DDX50: variants seen among roughly 807,000 people sequenced by gnomAD.
The protein encoded by DDX50 is ATP-dependent RNA helicase DDX50.
In DDX50, 56 loss-of-function variants were observed where a neutral mutation model predicts 94.8. The ratio of observed to expected loss-of-function variants is 0.59; its 90% CI spans 0.48 to 0.74. The LOEUF (loss-of-function observed/expected upper bound fraction) is 0.74. Among genes scored for constraint, DDX50 ranks in the 30% least tolerant of loss-of-function variants. The pLI, the probability that DDX50 is intolerant of heterozygous loss-of-function variation, is 0.00. For missense variants in DDX50, 713 were observed against 881.2 expected, an observed-to-expected ratio of 0.81 and a Z score of 2.42; for synonymous variants, 264 against 295.4, an observed-to-expected ratio of 0.89 and a Z score of 1.09.
In DDX50 at chr10:68,919,821, T is replaced by G; in HGVS notation, c.1090-11T>G. On this transcript the variant is annotated splice_polypyrimidine_tract_variant and intron_variant, in intron 7 of 14. Transcript: ENST00000373585. Reference sequence around the variant, plus strand: ...ATGAAACAAATAATGTGGTATTTTCTTTCTTCAAAGCATTTGGCCATCCAG... The same window carrying G: ...ATGAAACAAATAATGTGGTATTTTCGTTCTTCAAAGCATTTGGCCATCCAG... The G allele has an allele frequency of 6.2e-7, 1 of 1,606,188 alleles. No homozygotes were observed. Among genetic ancestry groups the G allele is most frequent in the Non-Finnish European group, 8.5e-7 (1 of 1,178,652 alleles).
In DDX50 at chr10:68,934,686, G is replaced by C; in HGVS notation, c.1402-113G>C. ...ACACATATAAATTGTTTGGAATGTT[G>C]AAAAGGGCAACAGGATTGAAATAAA... On this transcript the variant is annotated intron_variant, in intron 9 of 14. Transcript: ENST00000373585. The surrounding 1 kb of genome is among the most constrained non-coding windows in gnomAD (Gnocchi z 4.0). 7.8e-7 allele frequency: 1 copy of C among 1,281,462 alleles called. No homozygotes were observed. The highest frequency in any genetic ancestry group is 1.1e-6 in the Non-Finnish European group (1 of 951,144). 79.4% of individuals were successfully genotyped at this position (1,281,462 alleles called of 1,614,324 possible).
chr10:68,902,109 A>G (rs1243148487), intron 1 of DDX50, among the ~76,000 whole-genome samples: 1 of 151,750 alleles, frequency 6.6e-6, no homozygotes, highest in Non-Finnish European at 1.5e-5. Flanking sequence ...AGGTTAAACT[A>G]AATAAGTAAA....
intron 12 of DDX50, among the ~76,000 whole-genome samples, chr10:68,940,268 G>C (rs1269542129): frequency 6.6e-6 from 1 of 151,604 alleles, no homozygotes; most frequent in African/African-American, 2.4e-5. Context: ...AGTTCCAGAT[G>C]CTTGTGGGGC....
rs1156573801 is a variant in DDX50 at position 68,901,428 on chromosome 10, C to T, written c.44C>T (p.Ala15Val). ...TGGGGGGACATTATGGAGCTGGAAG[C>T]ACCCTTGGAGGAGTCCGAGAGCCAG... The part of the protein sequence containing the change: ...LLWGDIMELE[A>V]PLEESESQKK... Residue 15 changes from alanine (A) to valine (V), a missense_variant, in exon 1 of 15, where the codon GCA (alanine) becomes GTA (valine). Physicochemically the swap from Ala to Val is moderately conservative, Grantham distance 64 (BLOSUM62 0). Transcript: ENST00000373585. 4.4e-6 allele frequency: 7 copies of T among 1,575,662 alleles called. No individual in the cohort carries two copies. The Admixed American group carries it at 7.4e-5, about 17-fold the overall frequency.
At chr10:68,921,749 G>A (rs948744699) in intron 8 of DDX50, among the ~76,000 whole-genome samples, 4 of 152,020 alleles carry the variant, frequency 2.6e-5, no homozygotes, top group African/African-American at 9.7e-5. Flanking sequence ...AATTATTTTG[G>A]CTCTATATAA....
At chr10:68,909,406 C>T (rs74146505) in intron 2 of DDX50, among the ~76,000 whole-genome samples, 163 of 152,232 alleles carry the variant, frequency 1.1e-3, no homozygotes, top group African/African-American at 3.3e-3. Flanking sequence ...TTCAAGCTTA[C>T]GGTAACTTTC....
At chr10:68,911,659 A>G (rs1203924974) in intron 4 of DDX50, 2 of 152,850 alleles carry the variant, frequency 1.3e-5, no homozygotes, top group Admixed American at 6.5e-5. Context: ...TCCCTTTAGT[A>G]TGGAATACGT....
intron 2 of DDX50, among the ~76,000 whole-genome samples, chr10:68,907,471 A>G (rs1480659871): frequency 6.6e-6 from 1 of 151,728 alleles, no homozygotes; most frequent in Non-Finnish European, 1.5e-5. Flanking sequence ...ACGCACCACC[A>G]TGCCTGGCAA....
intron 14 of DDX50, among the ~76,000 whole-genome samples, chr10:68,945,465 C>T (rs1025788342): frequency 1.3e-5 from 2 of 152,080 alleles, no homozygotes; most frequent in Non-Finnish European, 2.9e-5. Flanking sequence ...CACCACCATG[C>T]CCGGCTAATT....
chr10:68,910,100 A>G (rs1841580781), intron 2 of DDX50, among the ~76,000 whole-genome samples: 1 of 152,008 alleles, frequency 6.6e-6, no homozygotes, highest in Non-Finnish European at 1.5e-5. Flanking sequence ...TGAGGTTGGT[A>G]GGATTTGAGC....
At chr10:68,930,484 C>G (rs1024675304) in intron 8 of DDX50, among the ~76,000 whole-genome samples, 2 of 152,112 alleles carry the variant, frequency 1.3e-5, no homozygotes, top group Non-Finnish European at 2.9e-5. Flanking sequence ...GTATCTCTTT[C>G]CTTTATACAT....
At position 68,934,092 on chromosome 10, in the gene DDX50, C is replaced by A; in HGVS notation, c.1240-107C>A. The A allele has an allele frequency of 1.8e-6, 2 of 1,109,092 alleles. No individual in the cohort carries two copies. Among genetic ancestry groups the A allele is most frequent in the Non-Finnish European group, 2.4e-6 (2 of 817,360 alleles). 68.7% of individuals were successfully genotyped at this position (1,109,092 alleles called of 1,614,324 possible). ...AGTAAGCATGCATTGTTAAAATCAT[C>A]AAAGTAAGATTTAAAAACATGCAAA... On this transcript the variant is annotated intron_variant, in intron 8 of 14. Transcript: ENST00000373585. This position sits in a 1 kb window ranked among gnomAD's most constrained non-coding sequence, Gnocchi z 4.0.
At chr10:68,940,262 C>A (rs1345496171) in intron 12 of DDX50, among the ~76,000 whole-genome samples, 1 of 151,566 alleles carries the variant, frequency 6.6e-6, no homozygotes, top group Non-Finnish European at 1.5e-5. Flanking sequence ...ACCTGTAGTT[C>A]CAGATGCTTG....
intron 4 of DDX50, 133 bp from the exon 5 acceptor site, chr10:68,913,029 G>C (rs1040396349): frequency 5.9e-6 from 4 of 676,866 alleles, no homozygotes; most frequent in Non-Finnish European, 7.6e-6. Context: ...TGCTATTTGT[G>C]ATGTGTCTTT....
At chr10:68,915,822 T>C (rs563280017) in intron 7 of DDX50, among the ~76,000 whole-genome samples, 3 of 152,310 alleles carry the variant, frequency 2.0e-5, no homozygotes, top group South Asian at 4.1e-4. Flanking sequence ...TATATGTGTA[T>C]GTAGGAAAGA....
chr10:68,928,506 A>G (rs1842149851), intron 8 of DDX50, among the ~76,000 whole-genome samples: 1 of 152,134 alleles, frequency 6.6e-6, no homozygotes, highest in Admixed American at 6.6e-5. Context: ...CTTCATCTCT[A>G]TATTATTTTT....
intron 8 of DDX50, among the ~76,000 whole-genome samples, chr10:68,928,207 G>A (rs1474980023): frequency 1.3e-5 from 2 of 151,962 alleles, no homozygotes; most frequent in Non-Finnish European, 2.9e-5. Context: ...CCAAGCTACT[G>A]AGGAGGCTGA....
At position 68,923,011 on chromosome 10, in the gene DDX50, A is replaced by C. The variant is rs534658604; in HGVS notation, c.1239+3030A>C. ...TCACCATATTGGCCAGGCTGGTCTC[A>C]AACTCTTGACCTCGTGATCTGCCCG... On this transcript the variant is annotated intron_variant, in intron 8 of 14. Transcript: ENST00000373585. 1.3e-4 allele frequency among the ~76,000 whole-genome samples: 19 copies of C among 149,310 alleles called. No homozygotes were observed. In the East Asian group the frequency reaches 3.6e-3, roughly 28 times the overall value.
chr10:68,926,014 CAAA>C (rs138926781), intron 8 of DDX50, among the ~76,000 whole-genome samples: 1 of 118,192 alleles, frequency 8.5e-6, no homozygotes, highest in Non-Finnish European at 1.7e-5. Flanking sequence ...ACTCTGTCTC[CAAA>C]AAAAAAAAAG....
Sources: gnomAD v4.1 joint callset for allele counts (sites outside exome capture counted in the v4.1 genomes callset) on GRCh38, gnomAD v4.1.1 for gene constraint, Gnocchi (gnomAD v3.1) non-coding constraint, MANE v1.5 for transcripts, NCBI Gene and HGNC (gene_info 2026-07-23, HGNC 2026-07-21) for gene names.